SGCZ: variants seen among roughly 807,000 people sequenced by gnomAD.
SGCZ encodes sarcoglycan zeta.
Under a neutral mutation model 41.3 loss-of-function variants are expected in SGCZ, and 40 were observed. The observed-to-expected ratio is 0.97, with a 90% CI of 0.75 to 1.26. The LOEUF is 1.26. Ranked by LOEUF, SGCZ falls within the 50% of genes most tolerant of loss-of-function variation. The pLI, the probability that SGCZ is intolerant of heterozygous loss-of-function variation, is 0.00. For synonymous variants in SGCZ, 206 were observed against 137.5 expected (o/e 1.50, Z -3.49); for missense variants, 552 against 369.8 (o/e 1.49, Z -4.04).
intron 5 of SGCZ, among the ~76,000 whole-genome samples, chr8:14,116,244 T>C (rs1243584519): frequency 6.6e-6 from 1 of 152,120 alleles, no homozygotes; most frequent in African/African-American, 2.4e-5. Context: ...ATTGTATCAA[T>C]AGCTTTATGA....
intron 2 of SGCZ, among the ~76,000 whole-genome samples, chr8:14,466,917 A>G (rs899416924): frequency 2.0e-5 from 3 of 151,816 alleles, no homozygotes; most frequent in Admixed American, 6.6e-5. Context: ...GTGTATTAAA[A>G]TCTTTGTCTC....
At chr8:14,520,480 G>A (rs1048915763) in intron 2 of SGCZ, among the ~76,000 whole-genome samples, 1 of 152,118 alleles carries the variant, frequency 6.6e-6, no homozygotes, top group Non-Finnish European at 1.5e-5. Context: ...TTGGCATACT[G>A]CTGGCTTTAG....
chr8:14,421,068 A>C (rs939801739), intron 2 of SGCZ, among the ~76,000 whole-genome samples: 4 of 152,130 alleles, frequency 2.6e-5, no homozygotes, highest in Admixed American at 6.6e-5. Flanking sequence ...AACTACTCTG[A>C]AATGTGATTT....
intron 1 of SGCZ, among the ~76,000 whole-genome samples, chr8:15,012,263 G>C (rs938145172): frequency 6.6e-6 from 1 of 151,776 alleles, no homozygotes; most frequent in East Asian, 1.9e-4. Flanking sequence ...AAGAATTTGA[G>C]ATCAGACTGG....
chr8:14,237,692 T>C lies in SGCZ; in HGVS notation c.337-13A>G. On this transcript the variant is annotated splice_polypyrimidine_tract_variant and intron_variant, in intron 3 of 7. Transcript: ENST00000382080. Reference sequence around the variant, plus strand: ...CCAGCGGACTATCCTGGGAAACATGTATAAAATAAATAAATAGAAAATAGA... The same window carrying C: ...CCAGCGGACTATCCTGGGAAACATGCATAAAATAAATAAATAGAAAATAGA... 2 of 1,595,204 alleles carry C rather than the reference T, an allele frequency of 1.3e-6. No homozygotes were observed. Among genetic ancestry groups the C allele is most frequent in the Non-Finnish European group, 1.7e-6 (2 of 1,168,788 alleles).
At chr8:14,269,229 A>C (rs1338121596) in intron 3 of SGCZ, among the ~76,000 whole-genome samples, 1 of 152,148 alleles carries the variant, frequency 6.6e-6, no homozygotes, top group Non-Finnish European at 1.5e-5. Context: ...ATTTGAGATT[A>C]TTACTTTAAT....
intron 2 of SGCZ, among the ~76,000 whole-genome samples, chr8:14,536,295 G>A (rs1803294635): frequency 6.6e-6 from 1 of 151,642 alleles, no homozygotes; most frequent in Non-Finnish European, 1.5e-5. Flanking sequence ...AAAAGTAAAA[G>A]GAATTATTAA....
At chr8:14,691,707 A>T (rs143908310) in intron 1 of SGCZ, among the ~76,000 whole-genome samples, 3 of 152,082 alleles carry the variant, frequency 2.0e-5, no homozygotes, top group Non-Finnish European at 4.4e-5. Flanking sequence ...TGTTAGTCAG[A>T]TTTAAACATC....
At chr8:15,055,336 G>C (rs750826572) in intron 1 of SGCZ, among the ~76,000 whole-genome samples, 1 of 152,126 alleles carries the variant, frequency 6.6e-6, no homozygotes, top group Non-Finnish European at 1.5e-5. Flanking sequence ...ATTATCATTA[G>C]TACTCAATTA....
intron 1 of SGCZ, among the ~76,000 whole-genome samples, chr8:14,832,945 T>C (rs73535020): frequency 0.086 from 13,047 of 152,132 alleles, 865 homozygotes; most frequent in African/African-American, 0.18. Flanking sequence ...ATAATTCAAT[T>C]ACCATGAATT....
chr8:14,224,956 T>A (rs114655455), intron 4 of SGCZ, among the ~76,000 whole-genome samples: 1 of 152,140 alleles, frequency 6.6e-6, no homozygotes, highest in Non-Finnish European at 1.5e-5. Flanking sequence ...TTGGTGTTCA[T>A]CATTTTCTAC....
chr8:14,204,083 T>G (rs562365306), intron 4 of SGCZ, among the ~76,000 whole-genome samples: 1 of 152,210 alleles, frequency 6.6e-6, no homozygotes, highest in African/African-American at 2.4e-5. Context: ...TGATGGAGGA[T>G]AAATAACTCA....
intron 2 of SGCZ, among the ~76,000 whole-genome samples, chr8:14,436,290 T>G (rs1198808037): frequency 1.3e-5 from 2 of 152,140 alleles, no homozygotes; most frequent in South Asian, 4.1e-4. Flanking sequence ...AGAGGACAGA[T>G]CTGTAAGAGC....
intron 2 of SGCZ, among the ~76,000 whole-genome samples, chr8:14,328,955 C>T (rs993763679): frequency 1.3e-5 from 2 of 152,212 alleles, no homozygotes; most frequent in African/African-American, 4.8e-5. Context: ...CACAGCAACA[C>T]TGTGCCAACT....
chr8:14,468,937 A>G (rs1801130638), intron 2 of SGCZ, among the ~76,000 whole-genome samples: 1 of 152,166 alleles, frequency 6.6e-6, no homozygotes, highest in Admixed American at 6.6e-5. Flanking sequence ...AACTTTACAT[A>G]CATTCCATTG....
At chr8:14,227,582 A>G (rs981157020) in intron 4 of SGCZ, among the ~76,000 whole-genome samples, 1 of 152,140 alleles carries the variant, frequency 6.6e-6, no homozygotes, top group Admixed American at 6.6e-5. Context: ...CAGGTTGCAA[A>G]TGAATTCAGA....
At chr8:14,436,000 A>C (rs531847259) in intron 2 of SGCZ, among the ~76,000 whole-genome samples, 280 of 152,336 alleles carry the variant, frequency 1.8e-3, no homozygotes, top group African/African-American at 6.0e-3. Flanking sequence ...ATGGGGAAAC[A>C]TAAAGGAAGT....
intron 4 of SGCZ, among the ~76,000 whole-genome samples, chr8:14,190,099 G>A (rs1323453413): frequency 4.2e-5 from 6 of 141,434 alleles, no homozygotes; most frequent in East Asian, 2.3e-4. Flanking sequence ...TGCAAGCTCC[G>A]CCTCTGGGGT....
At chr8:14,139,510 A>T (rs561639260) in intron 5 of SGCZ, among the ~76,000 whole-genome samples, 1 of 152,332 alleles carries the variant, frequency 6.6e-6, no homozygotes, top group Non-Finnish European at 1.5e-5. Context: ...AGGGGATATC[A>T]CCACTGATCG....
Sources: gnomAD v4.1 joint callset for allele counts (sites outside exome capture counted in the v4.1 genomes callset) on GRCh38, gnomAD v4.1.1 for gene constraint, MANE v1.5 for transcripts, NCBI Gene and HGNC (gene_info 2026-07-23, HGNC 2026-07-21) for gene names.